Variants in LUC7L3 observed in about 807,000 individuals in gnomAD.
LUC7L3 encodes LUC7 like 3 pre-mRNA splicing factor.
LUC7L3 carries 6 observed loss-of-function variants against 66.8 expected under a neutral mutation model. The ratio of observed to expected loss-of-function variants is 0.09; its 90% CI spans 0.05 to 0.18. The LOEUF is 0.18. Among genes scored for constraint, LUC7L3 ranks in the 10% least tolerant of loss-of-function variants. LUC7L3 has a pLI of 1.00. For synonymous variants in LUC7L3, 160 were observed against 174.7 expected (o/e 0.92, Z 0.66); for missense variants, 341 against 531.1 (o/e 0.64, Z 3.52).
In LUC7L3 at chr17:50,750,966, CT is replaced by C. The variant is rs562378278; in HGVS notation, c.*312del. On this transcript the variant is annotated 3_prime_UTR_variant, in exon 10 of 10. Coordinates refer to ENST00000505658, the MANE Select transcript of LUC7L3 (RefSeq NM_016424.5). ...AGTCGCCATTGAAAAGTTAATTATC[CT>C]TTTTTTAGGGATTTTGATGTCATTT... 4 of 1,462,444 alleles carry C rather than the reference CT, an allele frequency of 2.7e-6. No individual in the cohort carries two copies. The highest frequency in any genetic ancestry group is 5.3e-5 in the Admixed American group (2 of 37,814). The allele number at this position is 1,462,444 out of a possible 1,614,324, so 90.6% of individuals were successfully genotyped here.
rs879609788 is a variant in LUC7L3, at chr17:50,748,323, C to CT, written c.1138+1633dup. The CT allele has an allele frequency of 2.2e-3, 324 of 146,698 alleles. 1 individual carries two copies. The highest frequency in any genetic ancestry group is 6.2e-3 in the African/African-American group (250 of 40,236). 9.1% of individuals were successfully genotyped at this position (146,698 alleles called of 1,614,324 possible). A position where few individuals can be genotyped will look rare whatever the true frequency, so the allele number is the denominator to read the frequency against. The stretch of plus-strand genomic sequence containing the variant: ...GATGATGACATGAAATTTAGTGAAA[C>CT]TTTTTTTTTTTTCCAGACAGGGTCT... On this transcript the variant is annotated intron_variant, in intron 9 of 9. Coordinates refer to ENST00000505658, the MANE Select transcript of LUC7L3 (RefSeq NM_016424.5).
intron 3 of LUC7L3, among the ~76,000 whole-genome samples, 199 bp downstream of exon 3, chr17:50,740,544 C>CT (rs972047356): frequency 4.0e-5 from 6 of 151,332 alleles, no homozygotes; most frequent in Non-Finnish European, 7.4e-5. Context: ...GTATGTCAGA[C>CT]TTTTTTTTTC....
chr17:50,750,986 G>C lies in LUC7L3; in HGVS notation c.*325G>C. The C allele has an allele frequency of 7.3e-7, 1 of 1,373,208 alleles. No homozygotes were observed. The highest frequency in any genetic ancestry group is 2.8e-5 in the East Asian group (1 of 35,336). 85.1% of individuals were successfully genotyped at this position (1,373,208 alleles called of 1,614,324 possible). ...TTATCCTTTTTTTAGGGATTTTGAT[G>C]TCATTTCTTTTTTTTTTTTAATAAA... On this transcript the variant is annotated 3_prime_UTR_variant, in exon 10 of 10. Coordinates refer to ENST00000505658, the MANE Select transcript of LUC7L3 (RefSeq NM_016424.5).
rs1404984482 is a variant in LUC7L3, at chr17:50,752,823, AAAT to A, written c.*2166_*2168del. On this transcript the variant is annotated 3_prime_UTR_variant, in exon 10 of 10. Transcript: ENST00000505658. Reference sequence around the variant, plus strand: ...ATTTTTATAGACTTTCTAATGTTTTAAATAATGGTGCTTCAATTTTAGGTGGTT... The same window carrying A: ...ATTTTTATAGACTTTCTAATGTTTTAAATGGTGCTTCAATTTTAGGTGGTT... 1 of 152,192 alleles carries A rather than the reference AAAT, an allele frequency of 6.6e-6. No individual in the cohort carries two copies. Among genetic ancestry groups the A allele is most frequent in the Non-Finnish European group, 1.5e-5 (1 of 68,028 alleles). The allele number at this position is 152,192 out of a possible 1,614,324, so 9.4% of individuals were successfully genotyped here.
rs190716919 is a variant in LUC7L3, at chr17:50,742,749, A to G, written c.427-957A>G. On this transcript the variant is annotated intron_variant, in intron 5 of 9. Transcript: ENST00000505658. Reference sequence around the variant, plus strand: ...GAAATGAAAACATATGTCTACACAAAGATTTACACTCCAGTGTTCATGAGT... The same window carrying G: ...GAAATGAAAACATATGTCTACACAAGGATTTACACTCCAGTGTTCATGAGT... Among the ~76,000 whole-genome samples the G allele has an allele frequency of 2.4e-3, 365 of 152,350 alleles. 1 individual carries two copies. The highest frequency in any genetic ancestry group is 5.4e-3 in the South Asian group (26 of 4,824).
At chr17:50,738,528 C>T (rs1387545222) in intron 2 of LUC7L3, among the ~76,000 whole-genome samples, 2 of 151,970 alleles carry the variant, frequency 1.3e-5, no homozygotes, top group African/African-American at 4.8e-5. Context: ...TATTCTTCAG[C>T]AATAATACGA....
In LUC7L3 at chr17:50,741,834, C is replaced by T; in HGVS notation, c.426+103C>T. 5.8e-6 allele frequency: 5 copies of T among 865,966 alleles called. 1 individual carries two copies. In the South Asian group the frequency reaches 8.3e-5, roughly 14 times the overall value. 53.6% of individuals were successfully genotyped at this position (865,966 alleles called of 1,614,324 possible). ...GCATGGTAACTCATGTGTATAATCC[C>T]AGCACTTTGGGAGGCCGAGGCGGGA... is the stretch of plus-strand genomic sequence containing the variant. On this transcript the variant is annotated intron_variant, in intron 5 of 9. Coordinates refer to ENST00000505658, the MANE Select transcript of LUC7L3 (RefSeq NM_016424.5).
rs1458172180 is a variant in LUC7L3, at chr17:50,754,114, C to T, written c.*3453C>T. The T allele has an allele frequency of 6.6e-6, 1 of 152,100 alleles. No homozygotes were observed. Among genetic ancestry groups the T allele is most frequent in the Non-Finnish European group, 1.5e-5 (1 of 68,020 alleles). The allele number at this position is 152,100 out of a possible 1,614,324, so 9.4% of individuals were successfully genotyped here. On this transcript the variant is annotated 3_prime_UTR_variant, in exon 10 of 10. Coordinates refer to ENST00000505658, the MANE Select transcript of LUC7L3 (RefSeq NM_016424.5). ...AGAAGAAACAAACATTTCTGCCATG[C>T]AGACCAAAAAGTTATTAGTTGGTGA...
chr17:50,741,110 A>G lies in LUC7L3; in HGVS notation c.215A>G (p.Lys72Arg), dbSNP rs1970323031. ...HDENLRKQYE[K>R]SSRFMKVGYE... Reference sequence around the variant, plus strand: ...TATTTTCATGTTACCAGGTATGAGAAGAGCTCTCGTTTCATGAAAGTTGGC... The same window carrying G: ...TATTTTCATGTTACCAGGTATGAGAGGAGCTCTCGTTTCATGAAAGTTGGC... The change falls in exon 4 of 10, where the codon AAG (lysine) becomes AGG (arginine). Residue 72 changes from lysine (K) to arginine (R), a missense_variant. Physicochemically the swap from Lys to Arg is conservative, Grantham distance 26. Transcript: ENST00000505658. 6.2e-7 allele frequency: 1 copy of G among 1,613,988 alleles called. No individual in the cohort carries two copies. The highest frequency in any genetic ancestry group is 1.7e-5 in the Admixed American group (1 of 60,004).
chr17:50,733,079 C>A (rs1214178775), intron 1 of LUC7L3, among the ~76,000 whole-genome samples: 1 of 151,954 alleles, frequency 6.6e-6, no homozygotes, highest in Non-Finnish European at 1.5e-5. Context: ...CTTAAACTTA[C>A]GAAACACTTA....
At chr17:50,746,436 T>G in intron 8 of LUC7L3, 106 bp from the exon 9 acceptor site, 1 of 968,362 alleles carries the variant, frequency 1.0e-6, no homozygotes, top group Non-Finnish European at 1.6e-6. Context: ...TAAATATGTT[T>G]TAGAGGGTAA....
chr17:50,747,226 CTTTT>C (rs1970726066), intron 9 of LUC7L3, among the ~76,000 whole-genome samples: 2 of 119,672 alleles, frequency 1.7e-5, no homozygotes, highest in Non-Finnish European at 3.3e-5. Flanking sequence ...TTTCTTTTTT[CTTTT>C]TCTTTTTTTT....
chr17:50,733,741 T>A (rs1969796613), intron 1 of LUC7L3, among the ~76,000 whole-genome samples: 1 of 152,158 alleles, frequency 6.6e-6, no homozygotes, highest in Admixed American at 6.6e-5. Context: ...CACACAAAAT[T>A]TAGTTTTTAA....
intron 2 of LUC7L3, among the ~76,000 whole-genome samples, chr17:50,740,075 A>G (rs1357315377): frequency 6.6e-6 from 1 of 152,072 alleles, no homozygotes; most frequent in Non-Finnish European, 1.5e-5. Context: ...TCTTTTAACC[A>G]TATATGGTTG....
chr17:50,741,572 A>T, intron 4 of LUC7L3, 85 bp from the exon 5 acceptor site: 1 of 736,030 alleles, frequency 1.4e-6, no homozygotes, highest in Non-Finnish European at 2.2e-6. Context: ...ATTATTAAAT[A>T]GAAATATTAT....
chr17:50,736,603 A>C (rs938876848), intron 1 of LUC7L3: 1 of 202,752 alleles, frequency 4.9e-6, no homozygotes, highest in Non-Finnish European at 1.0e-5. Flanking sequence ...AATAGGCCCT[A>C]ATCTATGAAA....
intron 2 of LUC7L3, among the ~76,000 whole-genome samples, chr17:50,738,829 A>G (rs931239416): frequency 3.9e-5 from 6 of 152,334 alleles, no homozygotes; most frequent in African/African-American, 1.4e-4. Context: ...CAGGTCCTAC[A>G]AGTGATCAGG....
Position 50,745,983 on chromosome 17 carries a change from T to C in LUC7L3, c.957T>C (p.Ser319=). 1 of 1,600,870 alleles carries C rather than the reference T, an allele frequency of 6.2e-7. No homozygotes were observed. The highest frequency in any genetic ancestry group is 8.5e-7 in the Non-Finnish European group (1 of 1,176,704). The change falls in exon 8 of 10, where the codon AGT becomes AGC. Residue 319 remains serine, a synonymous_variant. Coordinates refer to ENST00000505658, the MANE Select transcript of LUC7L3 (RefSeq NM_016424.5). ...CTCGGGACCACAAAAGGTCACGAAG[T>C]AGAGAAAGAAGGCGGAGCAGGTATA... ...SRSRDHKRSR[S]RERRRSRSRD... is the part of the protein sequence containing the mutation.
intron 1 of LUC7L3, among the ~76,000 whole-genome samples, chr17:50,730,895 G>A (rs948209388): frequency 2.0e-5 from 3 of 152,104 alleles, no homozygotes; most frequent in African/African-American, 4.8e-5. Context: ...AGCCAAGATC[G>A]TGACACTGCA....
Sources: allele counts gnomAD v4.1 joint callset (sites outside exome capture counted in the v4.1 genomes callset), GRCh38; gene constraint gnomAD v4.1.1; transcripts MANE v1.5; gene names NCBI Gene and HGNC (gene_info 2026-07-23, HGNC 2026-07-21).